LTBP1: variants seen among roughly 807,000 people sequenced by gnomAD.
The protein encoded by LTBP1 is latent transforming growth factor beta binding protein 1, also known as latent-transforming growth factor beta-binding protein 1.
LTBP1 carries 129 observed loss-of-function variants against 207.6 expected under a neutral mutation model. The ratio of observed to expected loss-of-function variants is 0.62; its 90% CI spans 0.54 to 0.72. The LOEUF is 0.72. LTBP1 is among the 30% of genes least tolerant of loss of function. The probability of loss-of-function intolerance (pLI) is 0.00; values close to 1 mark genes in which losing one functional copy is unlikely to be tolerated. For missense variants in LTBP1, 2,281 were observed against 2,217.2 expected, an observed-to-expected ratio of 1.03 and a Z score of -0.58; for synonymous variants, 963 against 833.7, an observed-to-expected ratio of 1.16 and a Z score of -2.67.
intron 31 of LTBP1, among the ~76,000 whole-genome samples, chr2:33,376,602 CAT>C (rs936521857): frequency 3.7e-4 from 56 of 152,332 alleles, no homozygotes; most frequent in African/African-American, 1.3e-3. Flanking sequence ...AGGTGTTTCT[CAT>C]GTGTGTTTTT....
At chr2:33,367,260 G>C (rs374894716) in intron 31 of LTBP1, among the ~76,000 whole-genome samples, 17 of 151,942 alleles carry the variant, frequency 1.1e-4, no homozygotes, top group African/African-American at 4.1e-4. Flanking sequence ...CAATGTCCAC[G>C]GGTTATTTTT....
intron 31 of LTBP1, among the ~76,000 whole-genome samples, chr2:33,379,658 A>T (rs1208146015): frequency 6.6e-6 from 1 of 152,248 alleles, no homozygotes; most frequent in African/African-American, 2.4e-5. Flanking sequence ...ATTGAAGTAA[A>T]TGGCAGAATA....
At chr2:32,955,679 C>T (rs1467934988) in intron 2 of LTBP1, among the ~76,000 whole-genome samples, 1 of 151,958 alleles carries the variant, frequency 6.6e-6, no homozygotes, top group Non-Finnish European at 1.5e-5. Flanking sequence ...ATAGAAGCTG[C>T]CCATCAGGGT....
intron 5 of LTBP1, among the ~76,000 whole-genome samples, chr2:33,166,156 A>C (rs2084901064): frequency 6.6e-6 from 1 of 151,906 alleles, no homozygotes; most frequent in South Asian, 2.1e-4. Flanking sequence ...ATTAGTTTAT[A>C]AGAATTAGAT....
intron 31 of LTBP1, among the ~76,000 whole-genome samples, chr2:33,375,184 G>C (rs561403363): frequency 2.0e-5 from 3 of 152,188 alleles, no homozygotes; most frequent in Non-Finnish European, 4.4e-5. Flanking sequence ...ACATGCTCAA[G>C]AGGGTTAAAT....
intron 2 of LTBP1, among the ~76,000 whole-genome samples, chr2:33,012,628 G>A (rs151050318): frequency 4.1e-4 from 63 of 152,230 alleles, no homozygotes; most frequent in African/African-American, 1.5e-3. Context: ...CAAGAAATTT[G>A]TCTCCATCTT....
intron 24 of LTBP1, among the ~76,000 whole-genome samples, chr2:33,320,511 C>CTG (rs1277180841): frequency 6.6e-6 from 1 of 151,854 alleles, no homozygotes; most frequent in Non-Finnish European, 1.5e-5. Context: ...TTTTCTGCTT[C>CTG]TGTAAGTGAA....
chr2:33,070,774 T>C (rs988568876), intron 3 of LTBP1, among the ~76,000 whole-genome samples: 5 of 152,206 alleles, frequency 3.3e-5, no homozygotes, highest in African/African-American at 1.2e-4. Context: ...TCTTAGAGTG[T>C]TGAGCTCAGA....
At chr2:33,268,532 G>T (rs1353080158) in intron 15 of LTBP1, among the ~76,000 whole-genome samples, 3 of 152,172 alleles carry the variant, frequency 2.0e-5, no homozygotes, top group African/African-American at 7.2e-5. Flanking sequence ...GGAAATACGT[G>T]TGATGTTTTC....
rs766464179 is a variant in LTBP1 at position 33,257,338 on chromosome 2, A to G, written c.2222A>G (p.His741Arg). ...GGMGYTVSGV[H>R]RRRPIHHHVG... ...ATGGGTTATACGGTTTCTGGCGTTCATAGACGCAGGCCAATCCATCACCAT... is the reference window on the plus strand; with the variant it reads ...ATGGGTTATACGGTTTCTGGCGTTCGTAGACGCAGGCCAATCCATCACCAT... Residue 741 changes from histidine to arginine, a missense_variant, in exon 12 of 34, where the codon CAT becomes CGT. This residue lies in a region of LTBP1 where 1,671 missense variants were observed against 1,634.8 expected (regional missense o/e 1.02). Transcript: ENST00000404816. The G allele has an allele frequency of 1.2e-5, 19 of 1,614,118 alleles. No homozygotes were observed. The highest frequency in any genetic ancestry group is 1.7e-5 in the Admixed American group (1 of 60,008).
intron 25 of LTBP1, 82 bp from the exon 26 acceptor site, chr2:33,347,285 A>C (rs2290426): frequency 1.1e-5 from 17 of 1,534,366 alleles, no homozygotes; most frequent in Non-Finnish European, 1.5e-5. Flanking sequence ...GCAAGACACT[A>C]TTAGCCCTGG....
rs138270158 is a variant in LTBP1 at position 33,279,961 on chromosome 2, C to T, written c.2993-78C>T. 3.3e-3 allele frequency: 4,941 copies of T among 1,508,744 alleles called. 15 individuals carry two copies. The highest frequency in any genetic ancestry group is 3.9e-3 in the Non-Finnish European group (4,337 of 1,098,150). The allele number at this position is 1,508,744 out of a possible 1,614,324, so 93.5% of individuals were successfully genotyped here. On this transcript the variant is annotated intron_variant, in intron 18 of 33. Transcript: ENST00000404816. The stretch of plus-strand genomic sequence containing the variant: ...AATGTAGATATAACATGCTTTCCCC[C>T]GCTGCCTTCATCACAAAGTAAGATT...
intron 5 of LTBP1, among the ~76,000 whole-genome samples, chr2:33,164,791 C>T (rs774423838): frequency 1.3e-4 from 20 of 152,284 alleles, no homozygotes; most frequent in South Asian, 4.1e-4. Flanking sequence ...CTACTTAGGG[C>T]ATTCACAGCA....
intron 24 of LTBP1, among the ~76,000 whole-genome samples, chr2:33,329,684 C>G (rs891911928): frequency 2.4e-4 from 37 of 151,756 alleles, no homozygotes; most frequent in African/African-American, 9.0e-4. Context: ...TTTTATTAAC[C>G]ATAGAGTCAG....
At chr2:32,970,814 A>G (rs1430580096) in intron 2 of LTBP1, among the ~76,000 whole-genome samples, 1 of 151,796 alleles carries the variant, frequency 6.6e-6, no homozygotes, top group African/African-American at 2.4e-5. Context: ...TTGTTAGTTG[A>G]TAATAGCATT....
At chr2:33,045,434 A>T (rs1263715223) in intron 3 of LTBP1, among the ~76,000 whole-genome samples, 1 of 152,054 alleles carries the variant, frequency 6.6e-6, no homozygotes, top group Non-Finnish European at 1.5e-5. Flanking sequence ...GATATGTGGC[A>T]TTATTTCTGA....
At chr2:33,113,075 A>G (rs2080510233) in intron 4 of LTBP1, among the ~76,000 whole-genome samples, 1 of 152,194 alleles carries the variant, frequency 6.6e-6, no homozygotes, top group African/African-American at 2.4e-5. Context: ...GAAGTGAGGT[A>G]TGTCATTGTA....
intron 7 of LTBP1, 130 bp downstream of exon 7, chr2:33,188,981 T>A: frequency 9.2e-7 from 1 of 1,088,978 alleles, no homozygotes; most frequent in Non-Finnish European, 1.3e-6. Context: ...TGTGGCCATA[T>A]TTTTGTAAAT....
At position 33,131,532 on chromosome 2, in the gene LTBP1, C is replaced by G. The variant is rs371100017; in HGVS notation, c.1034-3261C>G. Among the ~76,000 whole-genome samples the G allele has an allele frequency of 1.1e-4, 17 of 152,264 alleles. No homozygotes were observed. The East Asian group carries it at 2.7e-3, about 24-fold the overall frequency. ...TCCTGTTAGAGCTCTGGATAATAAT[C>G]TAGTGTCAAAAGCAGTAGTGCATTT... On this transcript the variant is annotated intron_variant, in intron 4 of 33. Transcript: ENST00000404816.
Sources: allele counts gnomAD v4.1 joint callset (sites outside exome capture counted in the v4.1 genomes callset), GRCh38; gene constraint gnomAD v4.1.1; regional missense constraint gnomAD v4.1.1; transcripts MANE v1.5; gene names NCBI Gene and HGNC (gene_info 2026-07-23, HGNC 2026-07-21).